ADGRF5: variants seen among roughly 807,000 people sequenced by gnomAD.
ADGRF5 encodes G-protein coupled receptor 116.
In ADGRF5, 75 loss-of-function variants were observed where a neutral mutation model predicts 132.3. That is an observed-to-expected ratio of 0.57 (90% CI 0.47 to 0.69). ADGRF5 has a LOEUF of 0.69. Ranked by LOEUF, ADGRF5 falls within the 30% of genes least tolerant of loss-of-function variation. ADGRF5 has a pLI of 0.00. For synonymous variants in ADGRF5, 629 were observed against 597.6 expected (o/e 1.05, Z -0.77); for missense variants, 1,516 against 1,630.6 (o/e 0.93, Z 1.21).
Position 46,859,452 on chromosome 6 carries a change from T to C in ADGRF5, c.2451A>G (p.Gln817=). ...VLNTWKVLQQ[Q]WTNQSSQLLH... Reference sequence around the variant, plus strand: ...GTAGCTGTGAACTCTGATTGGTCCATTGCTGTTGTAAAACCTTCCAGGTGT... The same window carrying C: ...GTAGCTGTGAACTCTGATTGGTCCACTGCTGTTGTAAAACCTTCCAGGTGT... The change falls in exon 17 of 21, where the codon CAA becomes CAG. Residue 817 remains glutamine, a synonymous_variant. Coordinates refer to ENST00000283296, the MANE Select transcript of ADGRF5 (RefSeq NM_001098518.2). 6 of 1,613,352 alleles carry C rather than the reference T, an allele frequency of 3.7e-6. No homozygotes were observed. Among genetic ancestry groups the C allele is most frequent in the Non-Finnish European group, 5.1e-6 (6 of 1,179,300 alleles).
At chr6:46,883,203 AG>A (rs1399967268) in intron 6 of ADGRF5, among the ~76,000 whole-genome samples, 4 of 152,160 alleles carry the variant, frequency 2.6e-5, no homozygotes, top group African/African-American at 4.8e-5. Context: ...TCTGCCCAAA[AG>A]TTGTTAGGGG....
rs951611938 is a variant in ADGRF5, at chr6:46,915,325, C to T, written c.-25+6388G>A. On this transcript the variant is annotated intron_variant, in intron 1 of 20. Coordinates refer to ENST00000283296, the MANE Select transcript of ADGRF5 (RefSeq NM_001098518.2). ...ATAATAATAATAATAATGGACCAAT[C>T]AGAACAATCTCTGTCCACTGTGCAG... Among the ~76,000 whole-genome samples the T allele has an allele frequency of 2.2e-4, 30 of 137,874 alleles. 1 individual carries two copies. Among genetic ancestry groups the T allele is most frequent in the South Asian group, 1.1e-3 (5 of 4,598 alleles). 90.5% of individuals were successfully genotyped at this position (137,874 alleles called of 152,430 possible). A position where few individuals can be genotyped will look rare whatever the true frequency, so the allele number is the denominator to read the frequency against.
At position 46,860,948 on chromosome 6, in the gene ADGRF5, G is replaced by A. The variant is rs191860171; in HGVS notation, c.2200-54C>T. 2.2e-4 allele frequency: 300 copies of A among 1,390,852 alleles called. No individual in the cohort carries two copies. The African/African-American group carries it at 3.5e-3, about 16-fold the overall frequency. The allele number at this position is 1,390,852 out of a possible 1,614,324, so 86.2% of individuals were successfully genotyped here. On this transcript the variant is annotated intron_variant, in intron 15 of 20. Transcript: ENST00000283296. Reference sequence around the variant, plus strand: ...AAATTTACCAATCAATTCAGCTATCGAATCCAGCTGATCCATTCCTGGCAA... The same window carrying A: ...AAATTTACCAATCAATTCAGCTATCAAATCCAGCTGATCCATTCCTGGCAA...
At chr6:46,953,597 A>C (rs1778579028) in intron 1 of ADGRF5, among the ~76,000 whole-genome samples, 1 of 139,606 alleles carries the variant, frequency 7.2e-6, no homozygotes, top group Non-Finnish European at 1.5e-5. Context: ...AGGCTGGGCG[A>C]CAGAGTGAGA....
rs534704385 is a variant in ADGRF5, at chr6:46,935,889, G to A, written c.-25+18845C>T. 1.2e-4 allele frequency among the ~76,000 whole-genome samples: 18 copies of A among 152,296 alleles called. 1 individual carries two copies. The South Asian group carries it at 3.5e-3, about 30-fold the overall frequency. On this transcript the variant is annotated intron_variant, in intron 1 of 20. Coordinates refer to the ADGRF5 transcript ENST00000265417. ...ACTTGACCCTGAAGGAAGGAAGCAG[G>A]AAGCCTTGTAGGGGGACGGGGTGAA... is the stretch of plus-strand genomic sequence containing the variant.
chr6:46,873,279 A>T (rs1390278325), intron 10 of ADGRF5, among the ~76,000 whole-genome samples: 1 of 151,448 alleles, frequency 6.6e-6, no homozygotes, highest in African/African-American at 2.4e-5. Context: ...TCTTCATACC[A>T]CCATGCTTCT....
At chr6:46,945,729 C>T (rs1778278605) in intron 1 of ADGRF5, among the ~76,000 whole-genome samples, 1 of 152,164 alleles carries the variant, frequency 6.6e-6, no homozygotes. Context: ...AGTCTGTTAT[C>T]ACGCTGCTAA....
chr6:46,911,329 A>G (rs1177031190), intron 1 of ADGRF5, among the ~76,000 whole-genome samples: 1 of 152,244 alleles, frequency 6.6e-6, no homozygotes, highest in Non-Finnish European at 1.5e-5. Flanking sequence ...ATAAGTTAAA[A>G]TAGTGCAAGA....
chr6:46,897,983 A>C (rs1255815608), intron 3 of ADGRF5, among the ~76,000 whole-genome samples: 2 of 152,210 alleles, frequency 1.3e-5, no homozygotes, highest in Admixed American at 1.3e-4. Context: ...ATTCATTAAC[A>C]CTTCCCAAAT....
At chr6:46,938,019 A>G (rs1259511017) in intron 1 of ADGRF5, among the ~76,000 whole-genome samples, 1 of 152,200 alleles carries the variant, frequency 6.6e-6, no homozygotes, top group East Asian at 1.9e-4. Context: ...CAAGACTGCT[A>G]ATAAGTTGGG....
intron 13 of ADGRF5, among the ~76,000 whole-genome samples, chr6:46,866,564 A>G (rs144733557): frequency 9.1e-4 from 139 of 152,066 alleles, no homozygotes; most frequent in African/African-American, 3.2e-3. Context: ...TACATGCTCA[A>G]TTATGCATTT....
intron 1 of ADGRF5, among the ~76,000 whole-genome samples, chr6:46,954,353 G>A (rs1204006046): frequency 1.3e-5 from 2 of 151,170 alleles, no homozygotes; most frequent in African/African-American, 4.9e-5. Context: ...ACCTCAGAAA[G>A]GAGTAATAAA....
chr6:46,892,334 G>C (rs1773731060), intron 3 of ADGRF5, among the ~76,000 whole-genome samples: 1 of 152,070 alleles, frequency 6.6e-6, no homozygotes, highest in South Asian at 2.1e-4. Flanking sequence ...TTAGAACTTT[G>C]ATATACAATT....
In ADGRF5 at chr6:46,869,111, A is replaced by C. The variant is rs1360084731; in HGVS notation, c.1412-19T>G. On this transcript the variant is annotated intron_variant, in intron 11 of 20. Coordinates refer to ENST00000283296, the MANE Select transcript of ADGRF5 (RefSeq NM_001098518.2). ...AGATTGGCTGAAAAAAAGGCAAACA[A>C]AACAGACAAAAGAAAACTGACAAGT... 1.2e-6 allele frequency: 2 copies of C among 1,608,032 alleles called. No individual in the cohort carries two copies. Among genetic ancestry groups the C allele is most frequent in the Non-Finnish European group, 8.5e-7 (1 of 1,175,452 alleles).
chr6:46,868,820 A>G, intron 12 of ADGRF5, 63 bp downstream of exon 12: 2 of 1,011,810 alleles, frequency 2.0e-6, no homozygotes, highest in South Asian at 1.5e-5. Flanking sequence ...CACAGATGGT[A>G]ACTATTATTG....
At chr6:46,854,770 T>A (rs1287787785) in intron 20 of ADGRF5, 11 of 1,286,876 alleles carry the variant, frequency 8.5e-6, no homozygotes, top group Non-Finnish European at 1.0e-5. Context: ...CCTGGGGGGA[T>A]CTTAGGGGCT....
intron 20 of ADGRF5, among the ~76,000 whole-genome samples, chr6:46,854,553 C>T (rs1185267550): frequency 6.6e-6 from 1 of 152,152 alleles, no homozygotes; most frequent in Non-Finnish European, 1.5e-5. Flanking sequence ...AGAAAAGAAG[C>T]AGGAGTCAGG....
chr6:46,858,572 G>A lies in ADGRF5; in HGVS notation c.3331C>T (p.Leu1111=), dbSNP rs761146135. ...FFWMLTLGLM[L]FYRLVFILHE... ...AGAATGAAAACCAGGCGATAGAACA[G>A]CATGAGGCCCAGTGTCAGCATCCAG... is the stretch of plus-strand genomic sequence containing the variant. Residue 1111 remains leucine (L), a synonymous_variant, in exon 17 of 21, where the codon CTG becomes TTG. Coordinates refer to ENST00000283296, the MANE Select transcript of ADGRF5 (RefSeq NM_001098518.2). The A allele has an allele frequency of 2.5e-6, 4 of 1,613,328 alleles. 1 individual carries two copies. In the South Asian group the frequency reaches 3.3e-5, roughly 13 times the overall value.
At chr6:46,884,667 T>G (rs1352886125) in intron 4 of ADGRF5, among the ~76,000 whole-genome samples, 1 of 152,242 alleles carries the variant, frequency 6.6e-6, no homozygotes, top group Non-Finnish European at 1.5e-5. Flanking sequence ...GATTGGTCTA[T>G]GTAATCAACA....
Sources: allele counts gnomAD v4.1 joint callset (sites outside exome capture counted in the v4.1 genomes callset), GRCh38; gene constraint gnomAD v4.1.1; transcripts MANE v1.5; gene names NCBI Gene and HGNC (gene_info 2026-07-23, HGNC 2026-07-21).